SRGAP1: variants seen among roughly 807,000 people sequenced by gnomAD.
SRGAP1 encodes SLIT-ROBO Rho GTPase-activating protein 1.
SRGAP1 carries 43 observed loss-of-function variants against 121.9 expected under a neutral mutation model. That is an observed-to-expected ratio of 0.35 (90% confidence interval 0.28 to 0.46). The LOEUF (loss-of-function observed/expected upper bound fraction) is 0.46. SRGAP1 is among the 20% of genes least tolerant of loss of function. The pLI, the probability that SRGAP1 is intolerant of heterozygous loss-of-function variation, is 1.00. For missense variants in SRGAP1, 1,102 were observed against 1,350.9 expected (o/e 0.82, Z 2.89); for synonymous variants, 447 against 485.4 (o/e 0.92, Z 1.04).
chr12:63,914,620 C>T (rs973608130), intron 1 of SRGAP1, among the ~76,000 whole-genome samples: 3 of 152,114 alleles, frequency 2.0e-5, no homozygotes, highest in Admixed American at 2.0e-4. Flanking sequence ...CACTGATTTA[C>T]GTTACTGTAA....
intron 7 of SRGAP1, 21 bp downstream of exon 7, chr12:64,063,159 A>T: frequency 6.4e-7 from 1 of 1,572,254 alleles, no homozygotes. Flanking sequence ...GATCATTTTT[A>T]AAATAATGAA....
chr12:63,871,818 C>T, intron 1 of SRGAP1: 1 of 1,382,272 alleles, frequency 7.2e-7, no homozygotes, highest in Non-Finnish European at 1.0e-6. Flanking sequence ...GGCCAGCATC[C>T]TCTTGGATCT....
At chr12:63,925,612 A>G (rs2031229386) in intron 1 of SRGAP1, among the ~76,000 whole-genome samples, 3 of 152,246 alleles carry the variant, frequency 2.0e-5, no homozygotes. Flanking sequence ...TCACAGTCAC[A>G]GATACCACGT....
intron 3 of SRGAP1, among the ~76,000 whole-genome samples, chr12:64,013,879 G>T (rs1265992417): frequency 3.3e-5 from 5 of 152,152 alleles, no homozygotes; most frequent in African/African-American, 1.2e-4. Flanking sequence ...GAATCTAAAG[G>T]CCAGGGCAGT....
chr12:64,000,628 A>C (rs2033858852), intron 3 of SRGAP1, among the ~76,000 whole-genome samples: 2 of 152,080 alleles, frequency 1.3e-5, no homozygotes, highest in Admixed American at 1.3e-4. Flanking sequence ...ATCCAAAAAT[A>C]ATATGTTGAG....
At chr12:64,130,513 T>G (rs2036768591) in intron 21 of SRGAP1, among the ~76,000 whole-genome samples, 1 of 152,134 alleles carries the variant, frequency 6.6e-6, no homozygotes, top group South Asian at 2.1e-4. Flanking sequence ...AACTGCACCA[T>G]GTATTGGACA....
chr12:63,847,265 G>C lies in SRGAP1; in HGVS notation c.67+2382G>C, dbSNP rs138375274. Among the ~76,000 whole-genome samples the C allele has an allele frequency of 4.7e-3, 712 of 152,316 alleles. 5 individuals carry two copies. Among genetic ancestry groups the C allele is most frequent in the African/African-American group, 0.016 (682 of 41,574 alleles). On this transcript the variant is annotated intron_variant, in intron 1 of 21. Coordinates refer to ENST00000355086, the MANE Select transcript of SRGAP1 (RefSeq NM_020762.4). ...TTGAACCCAGGAGGCAGAGGTTACA[G>C]TGAGCCGAAATCACATCACTGCACT...
chr12:64,011,482 T>C (rs1284454082), intron 3 of SRGAP1, among the ~76,000 whole-genome samples: 1 of 152,200 alleles, frequency 6.6e-6, no homozygotes, highest in Non-Finnish European at 1.5e-5. Context: ...TTTATACTTT[T>C]ATGCTAGTAA....
At chr12:63,976,257 A>C (rs2033090668) in intron 1 of SRGAP1, among the ~76,000 whole-genome samples, 1 of 152,186 alleles carries the variant, frequency 6.6e-6, no homozygotes, top group Admixed American at 6.5e-5. Flanking sequence ...GGTCCTTTCC[A>C]ACCTAGTCTG....
chr12:64,133,369 CAGG>C (rs1451438760), intron 21 of SRGAP1, among the ~76,000 whole-genome samples: 1 of 152,132 alleles, frequency 6.6e-6, no homozygotes, highest in Non-Finnish European at 1.5e-5. Flanking sequence ...GAAATGACCA[CAGG>C]AGAAGTCTGG....
intron 1 of SRGAP1, among the ~76,000 whole-genome samples, chr12:63,926,071 G>A (rs187922617): frequency 2.6e-5 from 4 of 152,166 alleles, no homozygotes; most frequent in African/African-American, 4.8e-5. Flanking sequence ...TCTCAAATCC[G>A]CAATTTAATT....
At chr12:64,012,882 T>C (rs1331045512) in intron 3 of SRGAP1, among the ~76,000 whole-genome samples, 1 of 151,986 alleles carries the variant, frequency 6.6e-6, no homozygotes, top group Non-Finnish European at 1.5e-5. Context: ...ATAGAATCCA[T>C]AGGTGTATTT....
At chr12:63,956,200 A>T (rs1408773051) in intron 1 of SRGAP1, among the ~76,000 whole-genome samples, 3 of 152,104 alleles carry the variant, frequency 2.0e-5, no homozygotes, top group African/African-American at 7.2e-5. Context: ...AAAGTACAAA[A>T]TTACTGGCTG....
At chr12:64,056,962 C>G (rs1240804310) in intron 6 of SRGAP1, among the ~76,000 whole-genome samples, 1 of 152,154 alleles carries the variant, frequency 6.6e-6, no homozygotes, top group Non-Finnish European at 1.5e-5. Context: ...ACCATCTGGC[C>G]TGTATTTAAT....
At chr12:63,874,425 G>C (rs753920975) in intron 1 of SRGAP1, among the ~76,000 whole-genome samples, 1 of 152,010 alleles carries the variant, frequency 6.6e-6, no homozygotes, top group Admixed American at 6.6e-5. Context: ...GGATGATCTC[G>C]ATCTCCTGAC....
chr12:63,978,336 A>G (rs2033146611), intron 1 of SRGAP1, among the ~76,000 whole-genome samples: 1 of 152,148 alleles, frequency 6.6e-6, no homozygotes, highest in Non-Finnish European at 1.5e-5. Context: ...ATTACCCTAT[A>G]AAGAAACTTC....
intron 1 of SRGAP1, chr12:63,887,985 G>A (rs1425529544): frequency 6.6e-6 from 1 of 152,226 alleles, no homozygotes; most frequent in East Asian, 1.9e-4. Context: ...ACTTTCAGTT[G>A]AGGTTCCCTC....
At chr12:64,100,469 T>A (rs2036236443) in intron 15 of SRGAP1, among the ~76,000 whole-genome samples, 1 of 152,214 alleles carries the variant, frequency 6.6e-6, no homozygotes, top group Non-Finnish European at 1.5e-5. Context: ...GTGAAGAAGC[T>A]ACAATGACAT....
At chr12:63,915,349 G>A (rs1261352230) in intron 1 of SRGAP1, among the ~76,000 whole-genome samples, 1 of 152,034 alleles carries the variant, frequency 6.6e-6, no homozygotes, top group Non-Finnish European at 1.5e-5. Flanking sequence ...CAGGGAACCA[G>A]GAAACATAAA....
Sources: gnomAD v4.1 joint callset for allele counts (sites outside exome capture counted in the v4.1 genomes callset) on GRCh38, gnomAD v4.1.1 for gene constraint, MANE v1.5 for transcripts, NCBI Gene and HGNC (gene_info 2026-07-23, HGNC 2026-07-21) for gene names.